The following ZNF724 variants were observed in gnomAD, a reference collection of about 807,000 sequenced individuals.
ZNF724 encodes the protein zinc finger protein 724 pseudogene.
ZNF724 carries 14 observed loss-of-function variants against 29.3 expected under a neutral mutation model. That is an observed-to-expected ratio of 0.48 (90% confidence interval 0.32 to 0.75). The LOEUF (loss-of-function observed/expected upper bound fraction) is 0.75, where lower values mean the gene tolerates loss of function less well. Ranked by LOEUF, ZNF724 falls within the 30% of genes least tolerant of loss-of-function variation. The probability of loss-of-function intolerance (pLI) is 0.04; values close to 1 mark genes in which losing one functional copy is unlikely to be tolerated. For synonymous variants in ZNF724, 180 were observed against 193.6 expected, an observed-to-expected ratio of 0.93 and a Z score of 0.58; for missense variants, 557 against 571.2, an observed-to-expected ratio of 0.98 and a Z score of 0.25.
intron 3 of ZNF724, among the ~76,000 whole-genome samples, chr19:23,230,021 CTAAT>C (rs1418320733): frequency 6.6e-6 from 1 of 152,038 alleles, no homozygotes; most frequent in South Asian, 2.1e-4. Context: ...CAGGTCTAAA[CTAAT>C]TAATATACTC....
At chr19:23,228,319 G>C (rs1305781154) in intron 3 of ZNF724, among the ~76,000 whole-genome samples, 4 of 151,414 alleles carry the variant, frequency 2.6e-5, no homozygotes, top group African/African-American at 9.7e-5. Flanking sequence ...GCGTGGTGGC[G>C]CATGCCTGTA....
At chr19:23,231,227 C>G (rs762545283) in intron 3 of ZNF724, 39 bp downstream of exon 3, 14 of 1,236,144 alleles carry the variant, frequency 1.1e-5, no homozygotes, top group African/African-American at 1.5e-5. Context: ...ACATTTGGAC[C>G]TCTCATCTGT....
intron 3 of ZNF724, among the ~76,000 whole-genome samples, chr19:23,227,355 GACCAGCCTGGCC>G (rs1236160463): frequency 6.6e-6 from 1 of 151,850 alleles, no homozygotes; most frequent in African/African-American, 2.4e-5. Flanking sequence ...AGGAGTTCGA[GACCAGCCTGGCC>G]AACATGATGA....
rs529216975 is a variant in ZNF724 at position 23,237,712 on chromosome 19, C to T, written c.4-5419G>A. ...CAGCATGGGCAACAGAGCAAGAACC[C>T]GTCTTAAAAAAAAAAAAAAAAGAAA... On this transcript the variant is annotated intron_variant, in intron 1 of 3. Coordinates refer to ENST00000418100, the MANE Select transcript of ZNF724 (RefSeq NM_001355404.2). 3.2e-4 allele frequency among the ~76,000 whole-genome samples: 26 copies of T among 80,754 alleles called. No individual in the cohort carries two copies. In the East Asian group the frequency reaches 0.01, roughly 32 times the overall value. 53.0% of individuals were successfully genotyped at this position (80,754 alleles called of 152,430 possible).
chr19:23,248,022 A>G (rs1972272814), intron 1 of ZNF724, among the ~76,000 whole-genome samples: 5 of 152,164 alleles, frequency 3.3e-5, no homozygotes, highest in Admixed American at 3.3e-4. Flanking sequence ...GGAAAAAACT[A>G]AAGGGTAGCT....
At chr19:23,236,294 C>T (rs1310556622) in intron 1 of ZNF724, 1 of 152,216 alleles carries the variant, frequency 6.6e-6, no homozygotes, top group Admixed American at 6.5e-5. Flanking sequence ...ACTCCAGTCC[C>T]ACATCAGGTA....
chr19:23,229,082 A>C (rs1599638573), intron 3 of ZNF724, among the ~76,000 whole-genome samples: 3 of 149,588 alleles, frequency 2.0e-5, no homozygotes, highest in African/African-American at 7.3e-5. Context: ...AAAAAAAGAG[A>C]GATTGAGAGA....
intron 1 of ZNF724, chr19:23,236,616 G>C (rs1055263467): frequency 1.3e-5 from 2 of 152,166 alleles, no homozygotes; most frequent in African/African-American, 4.8e-5. Context: ...ACTCAGATTA[G>C]ATATAAGATT....
rs1433656631 is a variant in ZNF724 at position 23,250,339 on chromosome 19, G to A, written c.-97C>T. 9.4e-6 allele frequency: 5 copies of A among 531,356 alleles called. No individual in the cohort carries two copies. The highest frequency in any genetic ancestry group is 3.9e-5 in the African/African-American group (2 of 51,244). 32.9% of individuals were successfully genotyped at this position (531,356 alleles called of 1,614,324 possible). On this transcript the variant is annotated 5_prime_UTR_variant, in exon 1 of 4. Coordinates refer to ENST00000418100, the MANE Select transcript of ZNF724 (RefSeq NM_001355404.2). ...AGAGGCTGGGCCTCTAAGAGCAGGG[G>A]ACACAAAGCAGGGAAGACGAGACCA...
At chr19:23,238,281 C>T (rs376176050) in intron 1 of ZNF724, among the ~76,000 whole-genome samples, 1 of 151,976 alleles carries the variant, frequency 6.6e-6, no homozygotes, top group African/African-American at 2.4e-5. Flanking sequence ...AGGAGAATGG[C>T]GTGAACCCGG....
At position 23,222,871 on chromosome 19, in the gene ZNF724, A is replaced by T; in HGVS notation, c.1374T>A (p.Ala458=). The T allele has an allele frequency of 2.1e-6, 3 of 1,400,272 alleles. No homozygotes were observed. The highest frequency in any genetic ancestry group is 3.0e-6 in the Non-Finnish European group (3 of 992,618). 86.7% of individuals were successfully genotyped at this position (1,400,272 alleles called of 1,614,324 possible). A position where few individuals can be genotyped will look rare whatever the true frequency, so the allele number is the denominator to read the frequency against. ...KPYKCKECGK[A]FKRSSNLTEH... ...CAGTAAGGTTTGAGGACCGCTTAAA[A>T]GCTTTGCCACATTCTTTACATTTGT... The change falls in exon 4 of 4, where the codon GCT becomes GCA. Residue 458 remains alanine, a synonymous_variant. Transcript: ENST00000418100.
Position 23,222,354 on chromosome 19 carries a change from G to T in ZNF724, c.*31C>A. ...GGCCTCCCAAAGTGCTGGGATTACA[G>T]GTGTGAGCCACCACGCCTGGTCCAT... is the stretch of plus-strand genomic sequence containing the variant. On this transcript the variant is annotated 3_prime_UTR_variant, in exon 4 of 4. Transcript: ENST00000418100. 1 of 875,900 alleles carries T rather than the reference G, an allele frequency of 1.1e-6. No homozygotes were observed. Among genetic ancestry groups the T allele is most frequent in the Non-Finnish European group, 1.8e-6 (1 of 554,398 alleles). The allele number at this position is 875,900 out of a possible 1,614,324, so 54.3% of individuals were successfully genotyped here.
intron 1 of ZNF724, among the ~76,000 whole-genome samples, chr19:23,234,164 G>T (rs192003347): frequency 2.6e-5 from 4 of 152,224 alleles, no homozygotes; most frequent in Admixed American, 2.6e-4. Context: ...CAGTGGAAAA[G>T]TAAAACTTAA....
intron 1 of ZNF724, among the ~76,000 whole-genome samples, chr19:23,249,872 A>AG (rs1972317719): frequency 6.6e-6 from 1 of 152,016 alleles, no homozygotes; most frequent in Admixed American, 6.6e-5. Flanking sequence ...TGAACTGGAA[A>AG]CGCAGCGGAC....
At chr19:23,240,689 C>A (rs1972105688) in intron 1 of ZNF724, among the ~76,000 whole-genome samples, 1 of 146,384 alleles carries the variant, frequency 6.8e-6, no homozygotes, top group South Asian at 2.2e-4. Flanking sequence ...CACCGCACTC[C>A]AGCCTAGGTG....
At position 23,221,982 on chromosome 19, in the gene ZNF724, C is replaced by T. The variant is rs1293662520; in HGVS notation, c.*403G>A. ...ATTGACAGTAATTTCATCTTTAATG[C>T]TTCTATTAAGTATGAACTCTCTGAT... On this transcript the variant is annotated 3_prime_UTR_variant, in exon 4 of 4. Transcript: ENST00000418100. The T allele has an allele frequency of 3.6e-5, 6 of 165,216 alleles. No homozygotes were observed. The highest frequency in any genetic ancestry group is 6.6e-5 in the Non-Finnish European group (5 of 75,856). 10.2% of individuals were successfully genotyped at this position (165,216 alleles called of 1,614,324 possible). A position where few individuals can be genotyped will look rare whatever the true frequency, so the allele number is the denominator to read the frequency against.
chr19:23,229,665 C>A (rs555499707), intron 3 of ZNF724, among the ~76,000 whole-genome samples: 1 of 152,146 alleles, frequency 6.6e-6, no homozygotes, highest in African/African-American at 2.4e-5. Context: ...AAAGGTAAAC[C>A]CTTGTGCAGA....
rs752757146 is a variant in ZNF724, at chr19:23,231,376, A to T, written c.131-15T>A. ...GACAGCAATACCTGTTTTATTAAAA[A>T]TAAATAACATGAATGTTGCTCATAT... On this transcript the variant is annotated splice_polypyrimidine_tract_variant and intron_variant, in intron 2 of 3. Transcript: ENST00000418100. 5.2e-5 allele frequency: 69 copies of T among 1,323,134 alleles called. No individual in the cohort carries two copies. The Admixed American group carries it at 1.2e-3, about 24-fold the overall frequency. 82.0% of individuals were successfully genotyped at this position (1,323,134 alleles called of 1,614,324 possible).
chr19:23,230,293 A>G (rs944530000), intron 3 of ZNF724, among the ~76,000 whole-genome samples: 5 of 152,154 alleles, frequency 3.3e-5, no homozygotes. Context: ...TTAAAGTGCC[A>G]TATTATCCAA....
Sources: gnomAD v4.1 joint callset for allele counts (sites outside exome capture counted in the v4.1 genomes callset) on GRCh38, gnomAD v4.1.1 for gene constraint, MANE v1.5 for transcripts, NCBI Gene and HGNC (gene_info 2026-07-23, HGNC 2026-07-21) for gene names.